POPDC2: variants seen among roughly 807,000 people sequenced by gnomAD.
POPDC2 encodes the protein popeye domain cAMP effector 2, also known as popeye domain-containing protein 2.
POPDC2 carries 24 observed loss-of-function variants against 30.5 expected under a neutral mutation model. The observed-to-expected ratio is 0.79, with a 90% CI of 0.57 to 1.11. The LOEUF (loss-of-function observed/expected upper bound fraction) is 1.11. Among genes scored for constraint, POPDC2 ranks in the 50% least tolerant of loss-of-function variants. The pLI is 0.00. For synonymous variants in POPDC2, 185 were observed against 183.3 expected (o/e 1.01, Z -0.07); for missense variants, 409 against 447.0 (o/e 0.91, Z 0.77).
At chr3:119,652,557 A>G (rs2052824880) in intron 2 of POPDC2, among the ~76,000 whole-genome samples, 1 of 152,210 alleles carries the variant, frequency 6.6e-6, no homozygotes, top group African/African-American at 2.4e-5. Context: ...GTGAGGTTAC[A>G]GCCCTTCCTC....
intron 3 of POPDC2, chr3:119,643,491 C>T (rs1350673322): frequency 1.6e-6 from 2 of 1,239,998 alleles, no homozygotes; most frequent in Non-Finnish European, 2.3e-6. Flanking sequence ...GACTGCTAAA[C>T]AATTGTACAT....
At chr3:119,648,055 TAACAAG>T in intron 3 of POPDC2, 58 bp downstream of exon 3, 1 of 1,321,778 alleles carries the variant, frequency 7.6e-7, no homozygotes, top group Non-Finnish European at 1.0e-6. Context: ...TTTTTTGCCC[TAACAAG>T]CTGAGTTAAG....
At chr3:119,652,189 T>C (rs558347335) in intron 2 of POPDC2, among the ~76,000 whole-genome samples, 111 of 152,356 alleles carry the variant, frequency 7.3e-4, no homozygotes, top group African/African-American at 2.5e-3. Context: ...TGATCCCTCC[T>C]GTGCTGTGTT....
chr3:119,654,381 G>T, intron 2 of POPDC2, 124 bp downstream of exon 2: 1 of 691,254 alleles, frequency 1.4e-6, no homozygotes, highest in Non-Finnish European at 2.5e-6. Flanking sequence ...GAGTGCCCCC[G>T]CCTGTAGCTT....
chr3:119,660,120 C>T lies in POPDC2; in HGVS notation c.304G>A (p.Asp102Asn). The change falls in exon 1 of 4, where the codon GAC becomes AAC. Residue 102 changes from aspartate to asparagine, a missense_variant. Transcript: ENST00000493094. ...LAHLVYRLRE[D>N]TLPEEFDLLY... ...AGGTCAAACTCCTCAGGGAGGGTGT[C>T]CTCACGCAGGCGGTATACCAGGTGT... The T allele has an allele frequency of 6.2e-7, 1 of 1,614,194 alleles. No homozygotes were observed. The highest frequency in any genetic ancestry group is 8.5e-7 in the Non-Finnish European group (1 of 1,180,032).
At chr3:119,644,702 G>C (rs893180066) in intron 3 of POPDC2, among the ~76,000 whole-genome samples, 1 of 152,202 alleles carries the variant, frequency 6.6e-6, no homozygotes, top group Non-Finnish European at 1.5e-5. Context: ...AATTCAGCCA[G>C]CTTCATGCCT....
At chr3:119,646,995 T>G (rs1017454322) in intron 3 of POPDC2, among the ~76,000 whole-genome samples, 2 of 152,208 alleles carry the variant, frequency 1.3e-5, no homozygotes, top group South Asian at 2.1e-4. Flanking sequence ...TACCTCAGAA[T>G]GAGCTGAACT....
At chr3:119,647,559 CTG>C (rs781144800) in intron 3 of POPDC2, among the ~76,000 whole-genome samples, 4 of 152,220 alleles carry the variant, frequency 2.6e-5, no homozygotes, top group African/African-American at 7.2e-5. Flanking sequence ...AGTCCTCTGT[CTG>C]TGTGATCAAC....
At chr3:119,656,917 C>A (rs1036941629) in intron 1 of POPDC2, among the ~76,000 whole-genome samples, 1 of 152,178 alleles carries the variant, frequency 6.6e-6, no homozygotes, top group African/African-American at 2.4e-5. Context: ...GAGATGGGCA[C>A]AATCTGGTCT....
chr3:119,650,419 A>G (rs914181203), intron 2 of POPDC2, among the ~76,000 whole-genome samples: 2 of 152,190 alleles, frequency 1.3e-5, no homozygotes, highest in Non-Finnish European at 2.9e-5. Flanking sequence ...TCTTAAACCA[A>G]TAAGACTTTG....
chr3:119,659,156 C>T (rs1021800817), intron 1 of POPDC2, among the ~76,000 whole-genome samples: 11 of 152,190 alleles, frequency 7.2e-5, no homozygotes, highest in African/African-American at 2.7e-4. Context: ...ATACACTGAT[C>T]CTGACTAAGA....
At chr3:119,649,907 C>G (rs1053138988) in intron 2 of POPDC2, among the ~76,000 whole-genome samples, 1 of 152,194 alleles carries the variant, frequency 6.6e-6, no homozygotes, top group East Asian at 1.9e-4. Flanking sequence ...GCACTGCAAT[C>G]AGGACCTAAA....
Position 119,642,281 on chromosome 3 carries a change from G to A in POPDC2, c.*324C>T. On this transcript the variant is annotated 3_prime_UTR_variant, in exon 4 of 4. Transcript: ENST00000493094. ...GCACTACCAATGCCTGCTCCTGAAG[G>A]AAGGTTTGTGAGGGTGAATTTCTCA... 2 of 455,028 alleles carry A rather than the reference G, an allele frequency of 4.4e-6. No individual in the cohort carries two copies. Among genetic ancestry groups the A allele is most frequent in the South Asian group, 6.8e-5 (2 of 29,362 alleles). The allele number at this position is 455,028 out of a possible 1,614,324, so 28.2% of individuals were successfully genotyped here.
At chr3:119,656,550 A>T (rs1048498871) in intron 1 of POPDC2, among the ~76,000 whole-genome samples, 1 of 152,160 alleles carries the variant, frequency 6.6e-6, no homozygotes, top group Non-Finnish European at 1.5e-5. Flanking sequence ...AAAAGACTGC[A>T]TTCCATGAGA....
chr3:119,648,148 T>G lies in POPDC2; in HGVS notation c.*14A>C. 6.7e-7 allele frequency: 1 copy of G among 1,494,744 alleles called. No homozygotes were observed. The highest frequency in any genetic ancestry group is 1.3e-5 in the South Asian group (1 of 76,400). 92.6% of individuals were successfully genotyped at this position (1,494,744 alleles called of 1,614,324 possible). A position where few individuals can be genotyped will look rare whatever the true frequency, so the allele number is the denominator to read the frequency against. On this transcript the variant is annotated 3_prime_UTR_variant, in exon 3 of 4. Coordinates refer to ENST00000493094, the MANE Select transcript of POPDC2 (RefSeq NM_001369919.2). ...GATCCTGAGCCGGTGGCTGTGCCCA[T>G]GTTAGTTCTCCCTTCACCTCATGTA...
chr3:119,644,369 T>A (rs574072489), intron 3 of POPDC2, among the ~76,000 whole-genome samples: 1 of 152,336 alleles, frequency 6.6e-6, no homozygotes, highest in African/African-American at 2.4e-5. Context: ...GAGCATCTCC[T>A]GTAATAAGAC....
chr3:119,649,922 G>A (rs1560097101), intron 2 of POPDC2, among the ~76,000 whole-genome samples: 1 of 152,032 alleles, frequency 6.6e-6, no homozygotes, highest in South Asian at 2.1e-4. Context: ...CCTAAACTAC[G>A]TTATCGAGGC....
At chr3:119,649,141 T>A (rs1410398690) in intron 2 of POPDC2, among the ~76,000 whole-genome samples, 1 of 152,072 alleles carries the variant, frequency 6.6e-6, no homozygotes, top group East Asian at 1.9e-4. Flanking sequence ...AAAGTTGAGT[T>A]TGAGAAAAAG....
At chr3:119,649,018 T>C (rs1340006781) in intron 2 of POPDC2, among the ~76,000 whole-genome samples, 1 of 152,204 alleles carries the variant, frequency 6.6e-6, no homozygotes, top group African/African-American at 2.4e-5. Context: ...GATTTTAAGA[T>C]AGAGAAAGAA....
Sources: allele counts gnomAD v4.1 joint callset (sites outside exome capture counted in the v4.1 genomes callset), GRCh38; gene constraint gnomAD v4.1.1; transcripts MANE v1.5; gene names NCBI Gene and HGNC (gene_info 2026-07-23, HGNC 2026-07-21).